CYSLTR2: variants seen among roughly 807,000 people sequenced by gnomAD.
The protein encoded by CYSLTR2 is cysteinyl leukotriene receptor 2.
For missense variants in CYSLTR2, 398 were observed against 411.9 expected (o/e 0.97, Z 0.29); for synonymous variants, 179 against 160.8 (o/e 1.11, Z -0.86).
intron 1 of CYSLTR2, among the ~76,000 whole-genome samples, chr13:48,670,285 G>T (rs1294501189): frequency 5.9e-5 from 9 of 152,250 alleles, no homozygotes; most frequent in South Asian, 2.1e-4. Flanking sequence ...AGTTTAATTA[G>T]ATCCCATTTG....
At chr13:48,693,680 A>T (rs1298271654) in intron 3 of CYSLTR2, among the ~76,000 whole-genome samples, 170 bp downstream of exon 3, 2 of 152,124 alleles carry the variant, frequency 1.3e-5, no homozygotes, top group Non-Finnish European at 2.9e-5. Flanking sequence ...GTTTATATGT[A>T]AAAGAATAGA....
At chr13:48,676,481 G>T (rs1953599601) in intron 1 of CYSLTR2, among the ~76,000 whole-genome samples, 1 of 152,150 alleles carries the variant, frequency 6.6e-6, no homozygotes, top group African/African-American at 2.4e-5. Context: ...AGCTAACAAA[G>T]TCTGAGGTTA....
intron 4 of CYSLTR2, among the ~76,000 whole-genome samples, chr13:48,703,037 T>A (rs1293938814): frequency 6.6e-6 from 1 of 152,220 alleles, no homozygotes; most frequent in Admixed American, 6.5e-5. Context: ...TTCATTTTAA[T>A]TTTTATTGAA....
chr13:48,688,224 G>A (rs1055815313), intron 1 of CYSLTR2, among the ~76,000 whole-genome samples: 2 of 151,952 alleles, frequency 1.3e-5, no homozygotes, highest in South Asian at 2.1e-4. Context: ...CTGAGATTTC[G>A]TCTTTTTTAT....
intron 1 of CYSLTR2, among the ~76,000 whole-genome samples, chr13:48,683,712 G>T (rs1381680764): frequency 1.3e-5 from 2 of 151,912 alleles, no homozygotes; most frequent in African/African-American, 4.8e-5. Context: ...AGTTTCTTTT[G>T]CTGTGCAGAA....
chr13:48,704,778 T>C (rs977187043), intron 4 of CYSLTR2, among the ~76,000 whole-genome samples: 3 of 152,226 alleles, frequency 2.0e-5, no homozygotes, highest in African/African-American at 7.2e-5. Flanking sequence ...TGTTGATTTC[T>C]AGTTTGATTC....
intron 1 of CYSLTR2, among the ~76,000 whole-genome samples, chr13:48,656,084 C>A (rs1405223575): frequency 6.7e-6 from 1 of 150,358 alleles, no homozygotes; most frequent in African/African-American, 2.5e-5. Flanking sequence ...GATAAAAAAA[C>A]CATATATGCA....
chr13:48,677,471 A>T (rs1953628449), intron 1 of CYSLTR2, among the ~76,000 whole-genome samples: 1 of 152,186 alleles, frequency 6.6e-6, no homozygotes, highest in Non-Finnish European at 1.5e-5. Context: ...CAGAGAGCAA[A>T]GGTTACACAG....
intron 1 of CYSLTR2, among the ~76,000 whole-genome samples, chr13:48,688,164 C>T (rs1953944367): frequency 6.6e-6 from 1 of 152,154 alleles, no homozygotes; most frequent in Non-Finnish European, 1.5e-5. Context: ...CTAACAGTAG[C>T]CTCAACTTCC....
chr13:48,678,272 G>T (rs1953654678), intron 1 of CYSLTR2, among the ~76,000 whole-genome samples: 4 of 152,116 alleles, frequency 2.6e-5, no homozygotes, highest in Admixed American at 2.6e-4. Context: ...GCCTCCCAAA[G>T]TGCTGGAATT....
chr13:48,703,537 AT>A (rs1954404294), intron 4 of CYSLTR2, among the ~76,000 whole-genome samples: 1 of 152,118 alleles, frequency 6.6e-6, no homozygotes. Context: ...TGGATATTGA[AT>A]TTTGTCATGC....
At chr13:48,705,757 A>G (rs1354366835) in intron 4 of CYSLTR2, among the ~76,000 whole-genome samples, 1 of 150,938 alleles carries the variant, frequency 6.6e-6, no homozygotes, top group Admixed American at 6.6e-5. Flanking sequence ...CTATCTCAAT[A>G]ATTCCTCTAC....
intron 1 of CYSLTR2, among the ~76,000 whole-genome samples, chr13:48,681,766 C>T (rs74074716): frequency 0.012 from 1,763 of 152,306 alleles, 36 homozygotes; most frequent in African/African-American, 0.04. Context: ...CTGCCTCTCT[C>T]GAGCTGCCCT....
chr13:48,700,757 C>T (rs1954319895), intron 4 of CYSLTR2, among the ~76,000 whole-genome samples: 2 of 151,982 alleles, frequency 1.3e-5, no homozygotes, highest in African/African-American at 4.8e-5. Flanking sequence ...TTTAGAAAAC[C>T]CCATCGTCTC....
chr13:48,709,780 T>C lies in CYSLTR2; in HGVS notation c.*1922T>C, dbSNP rs1954593165. 2 of 152,142 alleles carry C rather than the reference T, an allele frequency of 1.3e-5. No individual in the cohort carries two copies. The highest frequency in any genetic ancestry group is 2.4e-5 in the African/African-American group (1 of 41,430). The allele number at this position is 152,142 out of a possible 1,614,324, so 9.4% of individuals were successfully genotyped here. Reference sequence around the variant, plus strand: ...CCAAGATAGAGGAAAACACAGTAGCTGGGAAACAAGGAATCCAACGCAGGA... The same window carrying C: ...CCAAGATAGAGGAAAACACAGTAGCCGGGAAACAAGGAATCCAACGCAGGA... On this transcript the variant is annotated 3_prime_UTR_variant, in exon 5 of 5. Coordinates refer to ENST00000682523, the MANE Select transcript of CYSLTR2 (RefSeq NM_001308476.3).
intron 1 of CYSLTR2, among the ~76,000 whole-genome samples, chr13:48,658,685 G>A (rs1174330745): frequency 1.3e-5 from 2 of 152,200 alleles, no homozygotes; most frequent in Non-Finnish European, 2.9e-5. Flanking sequence ...CTGAGACTGG[G>A]TAAGCAATAG....
chr13:48,707,585 C>T lies in CYSLTR2; in HGVS notation c.768C>T (p.Phe256=), dbSNP rs1343821171. The T allele has an allele frequency of 1.2e-6, 2 of 1,610,020 alleles. No homozygotes were observed. The part of the protein sequence containing the change: ...LTTIIITLII[F]FLCFLPYHTL... ...CCATCATCATCACCTTGATCATCTT[C>T]TTCTTGTGTTTCCTGCCCTATCACA... Residue 256 remains phenylalanine, a synonymous_variant, in exon 5 of 5, where the codon TTC becomes TTT. Coordinates refer to ENST00000682523, the MANE Select transcript of CYSLTR2 (RefSeq NM_001308476.3).
intron 1 of CYSLTR2, among the ~76,000 whole-genome samples, chr13:48,679,837 T>C (rs1953701962): frequency 6.6e-6 from 1 of 151,912 alleles, no homozygotes; most frequent in South Asian, 2.1e-4. Flanking sequence ...GCCATGAGAG[T>C]AGCAATCAGA....
intron 1 of CYSLTR2, among the ~76,000 whole-genome samples, chr13:48,660,855 G>A (rs1953110479): frequency 6.6e-6 from 1 of 152,166 alleles, no homozygotes; most frequent in South Asian, 2.1e-4. Context: ...GGAGGGCCGT[G>A]TTAATTCAGC....
Sources: allele counts gnomAD v4.1 joint callset (sites outside exome capture counted in the v4.1 genomes callset), GRCh38; gene constraint gnomAD v4.1.1; transcripts MANE v1.5; gene names NCBI Gene and HGNC (gene_info 2026-07-23, HGNC 2026-07-21).